Variants in NAALAD2 observed in about 807,000 individuals in gnomAD.
NAALAD2 encodes N-acetylated alpha-linked acidic dipeptidase 2, also known as N-acetylated-alpha-linked acidic dipeptidase 2.
NAALAD2 carries 89 observed loss-of-function variants against 95.6 expected under a neutral mutation model. The ratio of observed to expected loss-of-function variants is 0.93; its 90% CI spans 0.78 to 1.11. NAALAD2 has a LOEUF of 1.11. Ranked by LOEUF, NAALAD2 falls within the 50% of genes least tolerant of loss-of-function variation. NAALAD2 has a pLI of 0.00. For synonymous variants in NAALAD2, 264 were observed against 294.4 expected (o/e 0.90, Z 1.06); for missense variants, 894 against 872.4 (o/e 1.02, Z -0.31).
At position 90,152,877 on chromosome 11, in the gene NAALAD2, T is replaced by A. The variant is rs1024309696; in HGVS notation, c.796+393T>A. On this transcript the variant is annotated intron_variant, in intron 6 of 18. Transcript: ENST00000534061. Reference sequence around the variant, plus strand: ...GATTGTATTTTTGAATTACATTTTTTAAAAAAATGAGTTTTTGTGTTATTT... The same window carrying A: ...GATTGTATTTTTGAATTACATTTTTAAAAAAAATGAGTTTTTGTGTTATTT... 1.5e-3 allele frequency among the ~76,000 whole-genome samples: 165 copies of A among 109,158 alleles called. 1 individual carries two copies. Among genetic ancestry groups the A allele is most frequent in the African/African-American group, 6.2e-3 (155 of 24,952 alleles). 71.6% of individuals were successfully genotyped at this position (109,158 alleles called of 152,430 possible).
At chr11:90,183,135 T>C (rs907196000) in intron 18 of NAALAD2, 127 bp downstream of exon 18, 6 of 614,938 alleles carry the variant, frequency 9.8e-6, no homozygotes, top group East Asian at 2.6e-5. Flanking sequence ...TTGGGTAAGA[T>C]TGTACATTTA....
chr11:90,155,060 A>G (rs1470482762), intron 6 of NAALAD2, among the ~76,000 whole-genome samples: 1 of 125,378 alleles, frequency 8.0e-6, no homozygotes, highest in African/African-American at 3.5e-5. Context: ...TTATATACAT[A>G]TACATATGTA....
chr11:90,135,972 A>T (rs1951446742), intron 2 of NAALAD2, among the ~76,000 whole-genome samples: 1 of 152,142 alleles, frequency 6.6e-6, no homozygotes, highest in African/African-American at 2.4e-5. Flanking sequence ...CTGGGTTTTA[A>T]TCAGCAATTT....
intron 17 of NAALAD2, among the ~76,000 whole-genome samples, chr11:90,182,288 T>C (rs1444104603): frequency 6.6e-6 from 1 of 152,176 alleles, no homozygotes; most frequent in Non-Finnish European, 1.5e-5. Context: ...GATGTGTCCA[T>C]GTCACATTTA....
intron 7 of NAALAD2, 176 bp from the exon 8 acceptor site, chr11:90,159,063 T>C: frequency 1.7e-6 from 1 of 597,860 alleles, no homozygotes; most frequent in Non-Finnish European, 2.9e-6. Context: ...GATTTCAGTA[T>C]GGCTCTCTTG....
chr11:90,152,201 T>A, intron 5 of NAALAD2, 97 bp from the exon 6 acceptor site: 1 of 1,162,792 alleles, frequency 8.6e-7, no homozygotes, highest in South Asian at 1.8e-5. Flanking sequence ...AAAGGCAGTG[T>A]CTAAATATCC....
chr11:90,176,927 C>G (rs1376024332), intron 15 of NAALAD2, among the ~76,000 whole-genome samples: 1 of 152,162 alleles, frequency 6.6e-6, no homozygotes, highest in Non-Finnish European at 1.5e-5. Flanking sequence ...TGTGTTTTAA[C>G]TCTTTGTCAA....
At position 90,191,557 on chromosome 11, in the gene NAALAD2, G is replaced by C; in HGVS notation, c.2034-1G>C. On this transcript the variant is annotated splice_acceptor_variant, in intron 18 of 18. Transcript: ENST00000534061. LOFTEE classifies it high-confidence loss of function. The stretch of plus-strand genomic sequence containing the variant: ...AATTTGCCTTGTTTTCTTCCTTTTA[G>C]GCACATCATATTTGCTCCAAGTAGC... 6.4e-7 allele frequency: 1 copy of C among 1,569,752 alleles called. No individual in the cohort carries two copies. Among genetic ancestry groups the C allele is most frequent in the Non-Finnish European group, 8.6e-7 (1 of 1,159,772 alleles).
chr11:90,168,926 C>G lies in NAALAD2; in HGVS notation c.1279-3C>G. 1 of 1,604,568 alleles carries G rather than the reference C, an allele frequency of 6.2e-7. No homozygotes were observed. Among genetic ancestry groups the G allele is most frequent in the Non-Finnish European group, 8.5e-7 (1 of 1,175,160 alleles). ...TTAAGTAACAACTTTGCTTCAACTA[C>G]AGGAGAATGTCAAAATACTCCAGGA... On this transcript the variant is annotated splice_polypyrimidine_tract_variant and splice_region_variant and intron_variant, in intron 11 of 18. Coordinates refer to ENST00000534061, the MANE Select transcript of NAALAD2 (RefSeq NM_005467.4).
chr11:90,161,304 A>T (rs1330772076), intron 8 of NAALAD2, among the ~76,000 whole-genome samples: 1 of 152,184 alleles, frequency 6.6e-6, no homozygotes, highest in African/African-American at 2.4e-5. Context: ...CATTACTGTC[A>T]TGTTTCTATA....
chr11:90,170,047 CTG>C lies in NAALAD2; in HGVS notation c.1343-18_1343-17del, dbSNP rs772505634. ...TCATTTAGAAGTATGAAATAATACT[CTG>C]TGTCTTATTTATTTTTCAGGCAATT... On this transcript the variant is annotated intron_variant, in intron 12 of 18. Coordinates refer to ENST00000534061, the MANE Select transcript of NAALAD2 (RefSeq NM_005467.4). The C allele has an allele frequency of 2.2e-5, 30 of 1,389,820 alleles. No individual in the cohort carries two copies. Among genetic ancestry groups the C allele is most frequent in the Admixed American group, 1.0e-4 (6 of 59,414 alleles). The allele number at this position is 1,389,820 out of a possible 1,614,324, so 86.1% of individuals were successfully genotyped here. A position where few individuals can be genotyped will look rare whatever the true frequency, so the allele number is the denominator to read the frequency against.
intron 11 of NAALAD2, among the ~76,000 whole-genome samples, chr11:90,165,173 G>T (rs1952404762): frequency 1.3e-5 from 2 of 152,186 alleles, no homozygotes; most frequent in Admixed American, 1.3e-4. Flanking sequence ...CGACTGTGTA[G>T]TATTCCAAGG....
intron 6 of NAALAD2, among the ~76,000 whole-genome samples, chr11:90,154,026 CCTTCCTCT>C (rs755469241): frequency 3.7e-3 from 306 of 82,876 alleles, no homozygotes; most frequent in African/African-American, 0.012. Flanking sequence ...ACATGCCCTT[CCTTCCTCT>C]CTCTCTCTCT....
In NAALAD2 at chr11:90,147,442, TATGATGTCCTCTTATC is replaced by T; in HGVS notation, c.308_323del (p.Tyr103PhefsTer60). 2 of 1,614,056 alleles carry T rather than the reference TATGATGTCCTCTTATC, an allele frequency of 1.2e-6. No individual in the cohort carries two copies. The highest frequency in any genetic ancestry group is 1.7e-6 in the Non-Finnish European group (2 of 1,179,968). Reference sequence around the variant, plus strand: ...ACTAGATTCAGCCAAGTTGGTTCATTATGATGTCCTCTTATCTTACCCCAATGAGACAAATGCCAAC... The same window carrying T: ...ACTAGATTCAGCCAAGTTGGTTCATTTTACCCCAATGAGACAAATGCCAAC... On this transcript the variant is annotated frameshift_variant, in exon 3 of 19. Coordinates refer to ENST00000534061, the MANE Select transcript of NAALAD2 (RefSeq NM_005467.4). LOFTEE classifies it high-confidence loss of function.
In NAALAD2 at chr11:90,144,143, T is replaced by G. The variant is rs554946542; in HGVS notation, c.195-3187T>G. 2.0e-5 allele frequency among the ~76,000 whole-genome samples: 3 copies of G among 151,850 alleles called. No individual in the cohort carries two copies. The South Asian group carries it at 6.3e-4, about 32-fold the overall frequency. ...ACATACAAAAATTACACACCAAGAA[T>G]GATGACAAGAACAGGGATAGAGGGA... On this transcript the variant is annotated intron_variant, in intron 2 of 18. Transcript: ENST00000534061.
At chr11:90,152,858 A>G (rs181320860) in intron 6 of NAALAD2, among the ~76,000 whole-genome samples, 22 of 124,570 alleles carry the variant, frequency 1.8e-4, no homozygotes, top group Non-Finnish European at 3.1e-4. Context: ...GATAGATTGT[A>G]TTTTTGAATT....
At chr11:90,144,680 T>G (rs1317570224) in intron 2 of NAALAD2, among the ~76,000 whole-genome samples, 2 of 145,956 alleles carry the variant, frequency 1.4e-5, no homozygotes, top group Non-Finnish European at 3.0e-5. Flanking sequence ...AGGCGGAGGT[T>G]GCAGTAAGTC....
rs1207310452 is a variant in NAALAD2, at chr11:90,152,473, A to G, written c.785A>G (p.Tyr262Cys). Residue 262 changes from tyrosine to cysteine, a missense_variant, in exon 6 of 19, where the codon TAT (tyrosine) becomes TGT (cysteine). Tyr to Cys is a radical substitution (Grantham distance 194). Transcript: ENST00000534061. ...GCTGGTGACCCACTCACTCCAGGCT[A>G]TCCAGCAAAAGGTAAGGGATGAGCC... is the stretch of plus-strand genomic sequence containing the variant. ...NGAGDPLTPG[Y>C]PAKEYTFRLD... The G allele has an allele frequency of 3.7e-6, 6 of 1,610,002 alleles. No homozygotes were observed. The highest frequency in any genetic ancestry group is 5.1e-6 in the Non-Finnish European group (6 of 1,176,856).
intron 13 of NAALAD2, among the ~76,000 whole-genome samples, chr11:90,173,195 A>G (rs918958262): frequency 6.6e-6 from 1 of 152,172 alleles, no homozygotes; most frequent in African/African-American, 2.4e-5. Context: ...ATACACACAC[A>G]CACACACGAG....
Sources: allele counts gnomAD v4.1 joint callset (sites outside exome capture counted in the v4.1 genomes callset), GRCh38; gene constraint gnomAD v4.1.1; transcripts MANE v1.5; gene names NCBI Gene and HGNC (gene_info 2026-07-23, HGNC 2026-07-21).